NFAT5: variants seen among roughly 807,000 people sequenced by gnomAD.
The protein encoded by NFAT5 is nuclear factor of activated T cells 5.
NFAT5 carries 31 observed loss-of-function variants against 166.5 expected under a neutral mutation model. The ratio of observed to expected loss-of-function variants is 0.19; its 90% CI spans 0.14 to 0.25. The LOEUF is 0.25. Ranked by LOEUF, NFAT5 falls within the 10% of genes least tolerant of loss-of-function variation. The probability of loss-of-function intolerance (pLI) is 1.00; values close to 1 mark genes in which losing one functional copy is unlikely to be tolerated. For missense variants in NFAT5, 1,449 were observed against 1,821.8 expected (o/e 0.80, Z 3.72); for synonymous variants, 612 against 639.7 (o/e 0.96, Z 0.65).
chr16:69,617,742 C>G (rs1245560860), intron 2 of NFAT5, among the ~76,000 whole-genome samples: 1 of 152,058 alleles, frequency 6.6e-6, no homozygotes, highest in East Asian at 1.9e-4. Context: ...ATCCTCCCAA[C>G]TTGGCCTCCC....
At chr16:69,605,569 T>C (rs1270667032) in intron 2 of NFAT5, among the ~76,000 whole-genome samples, 1 of 152,250 alleles carries the variant, frequency 6.6e-6, no homozygotes, top group Non-Finnish European at 1.5e-5. Context: ...TTTGAGAAAC[T>C]TCTTTCTAAT....
At chr16:69,643,683 C>A (rs950225842) in intron 3 of NFAT5, among the ~76,000 whole-genome samples, 2 of 151,870 alleles carry the variant, frequency 1.3e-5, no homozygotes, top group Non-Finnish European at 2.9e-5. Flanking sequence ...ATTCTTCAAC[C>A]TACATTTATT....
At chr16:69,585,501 C>T (rs936257167) in intron 2 of NFAT5, among the ~76,000 whole-genome samples, 6 of 152,052 alleles carry the variant, frequency 3.9e-5, no homozygotes, top group Admixed American at 1.3e-4. Flanking sequence ...AAAGCAGGGA[C>T]TCAAACAGAT....
intron 2 of NFAT5, among the ~76,000 whole-genome samples, chr16:69,619,076 A>G (rs1395246153): frequency 1.3e-5 from 2 of 152,188 alleles, no homozygotes; most frequent in Non-Finnish European, 2.9e-5. Context: ...TTATTTTACT[A>G]TTTGAAAGTA....
intron 6 of NFAT5, among the ~76,000 whole-genome samples, chr16:69,657,464 T>G (rs1272097126): frequency 7.2e-6 from 1 of 139,382 alleles, no homozygotes; most frequent in Non-Finnish European, 1.5e-5. Context: ...CTTTTGAAAA[T>G]TACTAAAAAA....
intron 3 of NFAT5, among the ~76,000 whole-genome samples, chr16:69,634,488 T>A (rs1171071886): frequency 1.3e-5 from 2 of 152,202 alleles, no homozygotes; most frequent in Non-Finnish European, 2.9e-5. Flanking sequence ...ATATTTGGCA[T>A]AAGTAAGGTT....
At chr16:69,582,039 C>T (rs747166129) in intron 2 of NFAT5, among the ~76,000 whole-genome samples, 18 of 152,064 alleles carry the variant, frequency 1.2e-4, no homozygotes, top group African/African-American at 2.2e-4. Flanking sequence ...CCGAGGAGGG[C>T]GGATCATTTG....
At chr16:69,653,554 T>G (rs8055148) in intron 5 of NFAT5, 126 bp downstream of exon 5, 33,605 of 594,350 alleles carry the variant, frequency 0.057, 1,112 homozygotes, top group Middle Eastern at 0.092. Flanking sequence ...TGAATTAGAT[T>G]CATCCCAAAC....
intron 2 of NFAT5, among the ~76,000 whole-genome samples, chr16:69,597,372 A>G (rs1340859057): frequency 6.6e-6 from 1 of 151,826 alleles, no homozygotes; most frequent in African/African-American, 2.4e-5. Flanking sequence ...GTTATTTTAC[A>G]TATATATATA....
In NFAT5 at chr16:69,691,074, T is replaced by G. The variant is rs760675028; in HGVS notation, c.1909T>G (p.Ser637Ala). The change falls in exon 12 of 15, where the codon TCC becomes GCC. Residue 637 changes from serine (S) to alanine (A), a missense_variant. By Grantham distance (99) the Ser-to-Ala change is moderately conservative (BLOSUM62 1). Around this residue, in one of 7 missense-constraint regions of NFAT5, gnomAD observed 245 missense variants for 366.6 expected, o/e 0.67. Coordinates refer to ENST00000349945, the MANE Select transcript of NFAT5 (RefSeq NM_138713.4). ...PMEVTAEKRS[S>A]TIFKTTKSVG... ...GGAAGTAACAGCAGAAAAAAGATCT[T>G]CCACTATTTTTAAGGTAAGCTGTAT... 6 of 1,598,158 alleles carry G rather than the reference T, an allele frequency of 3.8e-6. No individual in the cohort carries two copies. The highest frequency in any genetic ancestry group is 5.1e-6 in the Non-Finnish European group (6 of 1,174,120).
At chr16:69,611,873 G>C (rs552614409) in intron 2 of NFAT5, among the ~76,000 whole-genome samples, 5 of 152,344 alleles carry the variant, frequency 3.3e-5, no homozygotes, top group African/African-American at 1.2e-4. Flanking sequence ...AAGCCCATTA[G>C]AATGGAAGGT....
Position 69,687,435 on chromosome 16 carries a change from T to TG in NFAT5, c.1774+2466dup, listed in dbSNP as rs1253007186. Among the ~76,000 whole-genome samples the TG allele has an allele frequency of 1.3e-4, 11 of 85,134 alleles. No homozygotes were observed. The East Asian group carries it at 4.5e-3, about 35-fold the overall frequency. 55.9% of individuals were successfully genotyped at this position (85,134 alleles called of 152,430 possible). ...CAGCTTGGGCAATAGAGCAAGACTC[T>TG]GAAAAAAAAAAAAAAAAAAAGGATT... is the stretch of plus-strand genomic sequence containing the variant. On this transcript the variant is annotated intron_variant, in intron 11 of 14. Coordinates refer to ENST00000349945, the MANE Select transcript of NFAT5 (RefSeq NM_138713.4).
chr16:69,658,183 AT>A (rs2035973477), intron 6 of NFAT5, among the ~76,000 whole-genome samples: 1 of 151,794 alleles, frequency 6.6e-6, no homozygotes, highest in South Asian at 2.1e-4. Context: ...CTTATTCAAT[AT>A]AAGAAAGTTG....
rs2035474044 is a variant in NFAT5, at chr16:69,647,193, A to C, written c.419A>C (p.Lys140Thr). Residue 140 changes from lysine to threonine, a missense_variant, in exon 4 of 15, where the codon AAG becomes ACG. Lys to Thr is a moderately conservative substitution (Grantham distance 78, BLOSUM62 -1). This residue lies in a region of NFAT5 where 172 missense variants were observed against 194.5 expected (regional missense o/e 0.88). Coordinates refer to ENST00000349945, the MANE Select transcript of NFAT5 (RefSeq NM_138713.4). This position sits in a 1 kb window ranked among gnomAD's most constrained non-coding sequence, Gnocchi z 4.8. Reference sequence around the variant, plus strand: ...GTAAGTAACAGAGGGGTAAGTGAAAAGCAGTTAACCAGTAACACAGTTCAG... The same window carrying C: ...GTAAGTAACAGAGGGGTAAGTGAAACGCAGTTAACCAGTAACACAGTTCAG... ...VGVSNRGVSE[K>T]QLTSNTVQQH... 6.2e-7 allele frequency: 1 copy of C among 1,614,130 alleles called. No individual in the cohort carries two copies. The highest frequency in any genetic ancestry group is 8.5e-7 in the Non-Finnish European group (1 of 1,179,962).
intron 2 of NFAT5, among the ~76,000 whole-genome samples, chr16:69,619,129 C>G (rs1283693236): frequency 1.3e-5 from 2 of 152,118 alleles, no homozygotes; most frequent in African/African-American, 4.8e-5. Flanking sequence ...GATGGGCTCT[C>G]TCTGACTATT....
At chr16:69,608,017 C>T (rs994089252) in intron 2 of NFAT5, among the ~76,000 whole-genome samples, 3 of 152,078 alleles carry the variant, frequency 2.0e-5, no homozygotes, top group Non-Finnish European at 2.9e-5. Context: ...AATTAGAAAA[C>T]TAAATGCTTA....
At chr16:69,660,641 C>T (rs2036081856) in intron 7 of NFAT5, among the ~76,000 whole-genome samples, 1 of 152,030 alleles carries the variant, frequency 6.6e-6, no homozygotes, top group Non-Finnish European at 1.5e-5. Context: ...GTGGGAAATT[C>T]AATTCTTATC....
At chr16:69,690,049 A>C (rs1279248224) in intron 11 of NFAT5, among the ~76,000 whole-genome samples, 1 of 152,240 alleles carries the variant, frequency 6.6e-6, no homozygotes, top group Admixed American at 6.5e-5. Flanking sequence ...GGATTTGGCT[A>C]TGTGCTCAAC....
intron 3 of NFAT5, among the ~76,000 whole-genome samples, chr16:69,635,761 C>T (rs899229101): frequency 2.6e-5 from 4 of 152,112 alleles, no homozygotes; most frequent in Admixed American, 6.5e-5. Flanking sequence ...CGGGAAAGAC[C>T]AGCCCCCATG....
Sources: gnomAD v4.1 joint callset for allele counts (sites outside exome capture counted in the v4.1 genomes callset) on GRCh38, gnomAD v4.1.1 for gene constraint, gnomAD v4.1.1 regional missense constraint, Gnocchi (gnomAD v3.1) non-coding constraint, MANE v1.5 for transcripts, NCBI Gene and HGNC (gene_info 2026-07-23, HGNC 2026-07-21) for gene names.